NAV2: variants seen among roughly 807,000 people sequenced by gnomAD.
The protein encoded by NAV2 is helicase, APC down-regulated 1.
Under a neutral mutation model 223.2 loss-of-function variants are expected in NAV2, and 54 were observed. That is an observed-to-expected ratio of 0.24 (90% CI 0.19 to 0.30). The LOEUF is 0.30. NAV2 is among the 10% of genes least tolerant of loss of function. NAV2 has a pLI of 1.00. For missense variants in NAV2, 2,806 were observed against 3,147.5 expected (o/e 0.89, Z 2.60); for synonymous variants, 1,279 against 1,239.3 (o/e 1.03, Z -0.67).
At chr11:19,581,116 T>A (rs766932950) in intron 1 of NAV2, among the ~76,000 whole-genome samples, 24 of 152,222 alleles carry the variant, frequency 1.6e-4, no homozygotes, top group Non-Finnish European at 1.0e-4. Flanking sequence ...CATTGAATTG[T>A]TTGCTTTATC....
At chr11:19,577,179 A>C (rs370501965) in intron 1 of NAV2, among the ~76,000 whole-genome samples, 1 of 152,238 alleles carries the variant, frequency 6.6e-6, no homozygotes, top group East Asian at 1.9e-4. Flanking sequence ...ATCTTTATTT[A>C]TCACATGAGG....
At chr11:19,861,983 T>G (rs1380041544) in intron 3 of NAV2, among the ~76,000 whole-genome samples, 1 of 152,200 alleles carries the variant, frequency 6.6e-6, no homozygotes, top group African/African-American at 2.4e-5. Flanking sequence ...TCTAGAACTT[T>G]AGCTACAACT....
intron 1 of NAV2, among the ~76,000 whole-genome samples, chr11:19,360,732 G>A (rs1853886737): frequency 1.3e-5 from 2 of 152,216 alleles, no homozygotes; most frequent in Non-Finnish European, 2.9e-5. Context: ...GTAGAAAGGG[G>A]AGGAAGAAGA....
intron 1 of NAV2, among the ~76,000 whole-genome samples, chr11:19,376,717 G>A (rs141057875): frequency 0.015 from 2,329 of 152,312 alleles, 60 homozygotes; most frequent in African/African-American, 0.053. Context: ...GATGATAATA[G>A]TAAACTGTAA....
intron 1 of NAV2, among the ~76,000 whole-genome samples, chr11:19,457,053 C>T (rs1420187071): frequency 6.6e-6 from 1 of 152,122 alleles, no homozygotes; most frequent in Non-Finnish European, 1.5e-5. Context: ...TTTTTAAATA[C>T]TTAGTGAGTT....
At chr11:19,555,965 G>C (rs1010420071) in intron 1 of NAV2, among the ~76,000 whole-genome samples, 3 of 151,844 alleles carry the variant, frequency 2.0e-5, no homozygotes, top group Non-Finnish European at 4.4e-5. Flanking sequence ...CTGTGCACCT[G>C]TCCCTACAGA....
chr11:20,037,210 C>A (rs1267504984), intron 12 of NAV2, among the ~76,000 whole-genome samples: 1 of 152,060 alleles, frequency 6.6e-6, no homozygotes, highest in Non-Finnish European at 1.5e-5. Context: ...GGGACAAAGT[C>A]TCTCAGAGCA....
chr11:19,691,679 C>T (rs757378058), intron 1 of NAV2, among the ~76,000 whole-genome samples: 2 of 152,156 alleles, frequency 1.3e-5, no homozygotes, highest in Non-Finnish European at 2.9e-5. Context: ...ACCATTCTCC[C>T]GCCTCTTGGT....
At chr11:19,897,235 G>T (rs112019629) in intron 6 of NAV2, among the ~76,000 whole-genome samples, 3 of 152,108 alleles carry the variant, frequency 2.0e-5, no homozygotes, top group African/African-American at 7.2e-5. Flanking sequence ...GCCTGTTGTG[G>T]GGTGGGGGGA....
intron 1 of NAV2, among the ~76,000 whole-genome samples, chr11:19,772,806 C>G (rs116868963): frequency 6.6e-6 from 1 of 152,188 alleles, no homozygotes; most frequent in South Asian, 2.1e-4. Flanking sequence ...TTCCCCTGGC[C>G]GGCCCCCACC....
intron 11 of NAV2, among the ~76,000 whole-genome samples, chr11:19,990,518 C>T (rs947619155): frequency 1.2e-4 from 19 of 152,142 alleles, no homozygotes; most frequent in South Asian, 4.2e-4. Context: ...CCTAAAATAC[C>T]TTCCCCCTCC....
chr11:19,577,930 A>T (rs186475649), intron 1 of NAV2, among the ~76,000 whole-genome samples: 1 of 152,318 alleles, frequency 6.6e-6, no homozygotes, highest in Admixed American at 6.5e-5. Context: ...GGCGCCCAAA[A>T]TAGACTCAAA....
At chr11:19,758,505 C>T (rs546691565) in intron 1 of NAV2, among the ~76,000 whole-genome samples, 64 of 152,174 alleles carry the variant, frequency 4.2e-4, no homozygotes, top group African/African-American at 1.4e-3. Context: ...GGGGTGACTT[C>T]GTTATAAGAG....
At chr11:19,527,697 C>T (rs1198002372) in intron 1 of NAV2, among the ~76,000 whole-genome samples, 1 of 150,476 alleles carries the variant, frequency 6.6e-6, no homozygotes, top group Non-Finnish European at 1.5e-5. Flanking sequence ...TGAACTTCTG[C>T]AGCTTGATCT....
intron 26 of NAV2, among the ~76,000 whole-genome samples, chr11:20,088,495 ATGTCTACGTTATAGGGCATC>A (rs1357744771): frequency 6.6e-6 from 1 of 152,156 alleles, no homozygotes; most frequent in Non-Finnish European, 1.5e-5. Flanking sequence ...TTTCAACATC[ATGTCTACGTTATAGGGCATC>A]TGTCTCATGA....
At chr11:19,398,964 C>T (rs1849577042) in intron 1 of NAV2, among the ~76,000 whole-genome samples, 1 of 152,188 alleles carries the variant, frequency 6.6e-6, no homozygotes, top group Non-Finnish European at 1.5e-5. Flanking sequence ...TTTCCCAGGG[C>T]TTTAATAATC....
chr11:19,825,196 G>A (rs182141993), intron 1 of NAV2, among the ~76,000 whole-genome samples: 10 of 148,396 alleles, frequency 6.7e-5, no homozygotes, highest in Admixed American at 6.2e-4. Context: ...GGAGGCTGTG[G>A]CAGGAGAATC....
chr11:19,504,561 C>G (rs2043062976), intron 1 of NAV2: 2 of 152,076 alleles, frequency 1.3e-5, no homozygotes, highest in South Asian at 4.1e-4. Context: ...TCAGAGCAGC[C>G]CAATGTGAAA....
intron 10 of NAV2, among the ~76,000 whole-genome samples, chr11:19,953,750 G>T (rs1271812198): frequency 6.6e-6 from 1 of 152,174 alleles, no homozygotes. Flanking sequence ...ATTTAATCCT[G>T]GCTCTGCCAA....
Sources: allele counts gnomAD v4.1 joint callset (sites outside exome capture counted in the v4.1 genomes callset), GRCh38; gene constraint gnomAD v4.1.1; transcripts MANE v1.5; gene names NCBI Gene and HGNC (gene_info 2026-07-23, HGNC 2026-07-21).